The following RFX3 variants were observed in gnomAD, a reference collection of about 807,000 sequenced individuals.
The protein encoded by RFX3 is transcription factor RFX3.
In RFX3, 14 loss-of-function variants were observed where a neutral mutation model predicts 98.6. The observed-to-expected ratio is 0.14, with a 90% CI of 0.09 to 0.22. RFX3 has a LOEUF of 0.22. Among genes scored for constraint, RFX3 ranks in the 10% least tolerant of loss-of-function variants. The pLI is 1.00. For synonymous variants in RFX3, 383 were observed against 328.4 expected (o/e 1.17, Z -1.80); for missense variants, 639 against 926.9 (o/e 0.69, Z 4.03).
intron 1 of RFX3, among the ~76,000 whole-genome samples, chr9:3,474,859 G>A (rs1295582440): frequency 6.6e-6 from 1 of 152,176 alleles, no homozygotes; most frequent in Non-Finnish European, 1.5e-5. Context: ...CACTTTGGGA[G>A]GCCAAGGAAG....
At chr9:3,279,745 A>T (rs1825693522) in intron 7 of RFX3, among the ~76,000 whole-genome samples, 1 of 151,846 alleles carries the variant, frequency 6.6e-6, no homozygotes, top group Admixed American at 6.6e-5. Context: ...GAAGATGGAG[A>T]CAGCTGTTAG....
chr9:3,432,317 G>A (rs911606942), intron 1 of RFX3, among the ~76,000 whole-genome samples: 1 of 151,974 alleles, frequency 6.6e-6, no homozygotes, highest in African/African-American at 2.4e-5. Context: ...CTAGATAAAG[G>A]GTCATAAGGA....
intron 1 of RFX3, chr9:3,488,857 T>C (rs762056850): frequency 1.0e-6 from 1 of 984,544 alleles, no homozygotes. Flanking sequence ...AGATTGAGTG[T>C]TTATCTTCCC....
intron 5 of RFX3, among the ~76,000 whole-genome samples, chr9:3,300,383 G>C (rs1006953387): frequency 6.6e-6 from 1 of 151,132 alleles, no homozygotes; most frequent in African/African-American, 2.4e-5. Context: ...ACTTTCCTTT[G>C]AAAAAAGAAA....
Position 3,320,768 on chromosome 9 carries a change from CATATATATATATATAT to C in RFX3, c.474+9475_474+9490del, listed in dbSNP as rs34990458. On this transcript the variant is annotated intron_variant, in intron 4 of 16. Transcript: ENST00000617270. ...TATACATATAATGCATGCTACATAG[CATATATATATATATAT>C]ATATATATATATATATATATATATA... Among the ~76,000 whole-genome samples the C allele has an allele frequency of 4.8e-3, 416 of 85,886 alleles. 5 individuals are homozygous for C. Among genetic ancestry groups the C allele is most frequent in the East Asian group, 6.8e-3 (16 of 2,338 alleles). 56.3% of individuals were successfully genotyped at this position (85,886 alleles called of 152,430 possible). A position where few individuals can be genotyped will look rare whatever the true frequency, so the allele number is the denominator to read the frequency against.
chr9:3,512,639 T>C (rs1817763510), intron 1 of RFX3, among the ~76,000 whole-genome samples: 1 of 151,938 alleles, frequency 6.6e-6, no homozygotes, highest in South Asian at 2.1e-4. Flanking sequence ...CCTCATACAA[T>C]ACTAGTCAAA....
intron 3 of RFX3, among the ~76,000 whole-genome samples, chr9:3,330,818 A>G (rs549351908): frequency 6.6e-6 from 1 of 152,290 alleles, no homozygotes; most frequent in Non-Finnish European, 1.5e-5. Context: ...AATCTTGCTG[A>G]ACAACTTCAA....
In RFX3 at chr9:3,445,274, T is replaced by A. The variant is rs558780178; in HGVS notation, c.-8-49678A>T. 2.6e-5 allele frequency among the ~76,000 whole-genome samples: 4 copies of A among 152,314 alleles called. No homozygotes were observed. The South Asian group carries it at 8.3e-4, about 32-fold the overall frequency. ...ATTTATTGAGAGAAGGGAGCATTTATAATGTTTACTATGCAATTCTAAGCA... is the reference window on the plus strand; with the variant it reads ...ATTTATTGAGAGAAGGGAGCATTTAAAATGTTTACTATGCAATTCTAAGCA... On this transcript the variant is annotated intron_variant, in intron 1 of 16. Transcript: ENST00000617270.
chr9:3,512,727 C>A (rs1001645626), intron 1 of RFX3, among the ~76,000 whole-genome samples: 22 of 151,980 alleles, frequency 1.4e-4, no homozygotes, highest in African/African-American at 4.6e-4. Context: ...TAAGTACAAT[C>A]TTTTTCCTTG....
At chr9:3,484,025 T>C (rs983363500) in intron 1 of RFX3, among the ~76,000 whole-genome samples, 5 of 152,152 alleles carry the variant, frequency 3.3e-5, no homozygotes, top group East Asian at 3.8e-4. Context: ...CAGGTGAATA[T>C]AGGGCAGCAA....
At chr9:3,247,652 T>A (rs1820856337) in intron 15 of RFX3, 2 of 1,398,792 alleles carry the variant, frequency 1.4e-6, no homozygotes, top group Admixed American at 3.0e-5. Context: ...CGGGAAAGAG[T>A]CTACAAAATA....
At chr9:3,395,356 G>T in intron 2 of RFX3, 116 bp downstream of exon 2, 1 of 1,170,460 alleles carries the variant, frequency 8.5e-7, no homozygotes, top group Non-Finnish European at 1.2e-6. Context: ...CCTAAAAACT[G>T]AAGTATGCCT....
At chr9:3,435,053 A>G (rs1844995931) in intron 1 of RFX3, among the ~76,000 whole-genome samples, 1 of 151,926 alleles carries the variant, frequency 6.6e-6, no homozygotes, top group Admixed American at 6.6e-5. Context: ...AAAAAATGGT[A>G]TATTTGTATT....
intron 12 of RFX3, among the ~76,000 whole-genome samples, chr9:3,263,591 C>A (rs1249228546): frequency 6.6e-6 from 1 of 152,112 alleles, no homozygotes; most frequent in Non-Finnish European, 1.5e-5. Context: ...TTCTTACTAC[C>A]TTTATTTTAT....
chr9:3,370,546 A>G (rs1405347426), intron 2 of RFX3, among the ~76,000 whole-genome samples: 2 of 151,836 alleles, frequency 1.3e-5, no homozygotes, highest in Non-Finnish European at 2.9e-5. Context: ...TCTGGGATCG[A>G]GGGATGGGGA....
intron 1 of RFX3, among the ~76,000 whole-genome samples, chr9:3,396,511 G>C (rs1056905432): frequency 1.8e-4 from 28 of 152,178 alleles, no homozygotes; most frequent in African/African-American, 6.3e-4. Context: ...ATGTGTTCGT[G>C]TGTCTTTATA....
At chr9:3,436,924 G>T (rs1201979931) in intron 1 of RFX3, among the ~76,000 whole-genome samples, 1 of 151,814 alleles carries the variant, frequency 6.6e-6, no homozygotes, top group Admixed American at 6.6e-5. Flanking sequence ...GGTAACTCCT[G>T]CAGCCAACTC....
intron 1 of RFX3, among the ~76,000 whole-genome samples, chr9:3,406,485 T>G (rs1425081381): frequency 1.3e-5 from 2 of 151,908 alleles, no homozygotes; most frequent in Non-Finnish European, 2.9e-5. Context: ...ACACAGCAAT[T>G]ATCACATCTA....
intron 1 of RFX3, among the ~76,000 whole-genome samples, chr9:3,500,096 G>A (rs924821141): frequency 2.0e-5 from 3 of 152,136 alleles, no homozygotes; most frequent in Admixed American, 6.5e-5. Flanking sequence ...GCAACAAACA[G>A]AGGAATGTGG....
Sources: allele counts gnomAD v4.1 joint callset (sites outside exome capture counted in the v4.1 genomes callset), GRCh38; gene constraint gnomAD v4.1.1; transcripts MANE v1.5; gene names NCBI Gene and HGNC (gene_info 2026-07-23, HGNC 2026-07-21).